MLC1: variants seen among roughly 807,000 people sequenced by gnomAD.
MLC1 encodes modulator of VRAC current 1.
In MLC1, 32 loss-of-function variants were observed where a neutral mutation model predicts 44.7. The ratio of observed to expected loss-of-function variants is 0.72; its 90% CI spans 0.54 to 0.96. The LOEUF is 0.96. MLC1 is among the 40% of genes least tolerant of loss of function. The pLI, the probability that MLC1 is intolerant of heterozygous loss-of-function variation, is 0.00. For missense variants in MLC1, 459 were observed against 492.2 expected, an observed-to-expected ratio of 0.93 and a Z score of 0.64; for synonymous variants, 190 against 213.0, an observed-to-expected ratio of 0.89 and a Z score of 0.94.
chr22:50,066,004 G>T (rs1330975383), intron 10 of MLC1, among the ~76,000 whole-genome samples: 1 of 152,174 alleles, frequency 6.6e-6, no homozygotes, highest in Non-Finnish European at 1.5e-5. Flanking sequence ...ATCCCCTTGG[G>T]TATCGAGAAA....
intron 8 of MLC1, among the ~76,000 whole-genome samples, chr22:50,072,577 T>TGCGGGATGGGAGGGGC (rs1367487518): frequency 2.6e-5 from 4 of 151,752 alleles, no homozygotes; most frequent in African/African-American, 9.7e-5. Flanking sequence ...GCAGGAGGGG[T>TGCGGGATGGGAGGGGC]CTGCGGGATG....
Position 50,083,052 on chromosome 22 carries a change from G to A in MLC1, c.267+32C>T. The A allele has an allele frequency of 6.2e-7, 1 of 1,602,120 alleles. No homozygotes were observed. The highest frequency in any genetic ancestry group is 1.1e-5 in the South Asian group (1 of 90,856). ...CCAGAGCACGTGCCGGCGAGCTTGG[G>A]CACTGGCAGAGGCGTGGAGGAAGCT... is the stretch of plus-strand genomic sequence containing the variant. On this transcript the variant is annotated intron_variant, in intron 3 of 11. Coordinates refer to ENST00000311597, the MANE Select transcript of MLC1 (RefSeq NM_015166.4). The surrounding 1 kb of genome is among the most constrained non-coding windows in gnomAD (Gnocchi z 4.6).
At chr22:50,078,611 C>T (rs1026763678) in intron 5 of MLC1, among the ~76,000 whole-genome samples, 22 of 151,770 alleles carry the variant, frequency 1.4e-4, no homozygotes, top group Non-Finnish European at 2.8e-4. Context: ...CGGTGGCGCA[C>T]GCCTGTAATC....
At chr22:50,084,394 G>A (rs562510142) in intron 2 of MLC1, among the ~76,000 whole-genome samples, 57 of 152,294 alleles carry the variant, frequency 3.7e-4, no homozygotes, top group African/African-American at 1.3e-3. Flanking sequence ...CACCTTTGCA[G>A]GTGACCCCTC....
In MLC1 at chr22:50,064,068, G is replaced by A. The variant is rs1186676458; in HGVS notation, c.1025C>T (p.Thr342Ile). 3 of 1,573,014 alleles carry A rather than the reference G, an allele frequency of 1.9e-6. No homozygotes were observed. The highest frequency in any genetic ancestry group is 4.6e-5 in the East Asian group (2 of 43,762). ...SARLQGASWD[T>I]QNGPQERLAG... ...CAGGCGCTCCTGCGGGCCGTTCTGG[G>A]TGTCCCAGGATGCACCCTGCAGCCT... The change falls in exon 11 of 12, where the codon ACC becomes ATC. Residue 342 changes from threonine (T) to isoleucine (I), a missense_variant. Physicochemically the swap from Thr to Ile is moderately conservative, Grantham distance 89. Coordinates refer to ENST00000311597, the MANE Select transcript of MLC1 (RefSeq NM_015166.4).
intron 2 of MLC1, among the ~76,000 whole-genome samples, chr22:50,084,254 C>T (rs1056700390): frequency 2.0e-5 from 3 of 152,126 alleles, no homozygotes; most frequent in Non-Finnish European, 4.4e-5. Flanking sequence ...TGGCGCTGCC[C>T]GTCCACCCCA....
At chr22:50,080,562 A>T (rs2062097457) in intron 3 of MLC1, among the ~76,000 whole-genome samples, 165 bp from the exon 4 acceptor site, 1 of 152,114 alleles carries the variant, frequency 6.6e-6, no homozygotes, top group Admixed American at 6.5e-5. Flanking sequence ...GCCCCCAGGT[A>T]CTTCTCAGTT....
intron 10 of MLC1, among the ~76,000 whole-genome samples, chr22:50,064,500 C>T (rs946765095): frequency 3.3e-5 from 5 of 152,208 alleles, no homozygotes; most frequent in African/African-American, 4.8e-5. Flanking sequence ...CTCCACCCCT[C>T]CTGCTCCAAC....
Position 50,059,821 on chromosome 22 carries a change from G to T in MLC1, c.*1762C>A, listed in dbSNP as rs2061528128. The T allele has an allele frequency of 6.6e-6, 1 of 152,352 alleles. No homozygotes were observed. The highest frequency in any genetic ancestry group is 1.5e-5 in the Non-Finnish European group (1 of 68,068). 9.4% of individuals were successfully genotyped at this position (152,352 alleles called of 1,614,324 possible). A position where few individuals can be genotyped will look rare whatever the true frequency, so the allele number is the denominator to read the frequency against. On this transcript the variant is annotated 3_prime_UTR_variant, in exon 12 of 12. Coordinates refer to ENST00000311597, the MANE Select transcript of MLC1 (RefSeq NM_015166.4). The stretch of plus-strand genomic sequence containing the variant: ...CCTTCCGGAGCTGCCGAGGACTGCA[G>T]AGAGGGCCTGGCTTGTCCCCTCTAG...
In MLC1 at chr22:50,084,731, T is replaced by A. The variant is rs1315970092; in HGVS notation, c.172A>T (p.Met58Leu). ...SHKTWVFSVL[M>L]GSCLLVTSGF... ...CTTAGTGTGGAGCTACTCACCCCCA[T>A]CAGCACAGAGAAGACCCACGTCTTG... is the stretch of plus-strand genomic sequence containing the variant. Residue 58 changes from methionine to leucine, a missense_variant, in exon 2 of 12, where the codon ATG becomes TTG. Coordinates refer to ENST00000311597, the MANE Select transcript of MLC1 (RefSeq NM_015166.4). 3 of 1,613,882 alleles carry A rather than the reference T, an allele frequency of 1.9e-6. No homozygotes were observed. The highest frequency in any genetic ancestry group is 2.7e-5 in the African/African-American group (2 of 74,922).
intron 8 of MLC1, 104 bp from the exon 9 acceptor site, chr22:50,070,687 C>G: frequency 7.9e-7 from 1 of 1,263,052 alleles, no homozygotes; most frequent in Non-Finnish European, 1.1e-6. Context: ...GGCTGCCTGG[C>G]TGGCTTGCTG....
chr22:50,077,402 T>C lies in MLC1; in HGVS notation c.524A>G (p.Lys175Arg), dbSNP rs772882799. The C allele has an allele frequency of 3.1e-5, 50 of 1,613,732 alleles. No individual in the cohort carries two copies. The highest frequency in any genetic ancestry group is 4.1e-5 in the Non-Finnish European group (48 of 1,179,844). ...TGCGGGGTCAGAAGCTGCACCCACCTTCTTTTTCTTGCAGTCCTCCTCGCT... is the reference window on the plus strand; with the variant it reads ...TGCGGGGTCAGAAGCTGCACCCACCCTCTTTTTCTTGCAGTCCTCCTCGCT... ...RSSEEDCKKK[K>R]GSMSDSANIL... Residue 175 changes from lysine to arginine, a missense_variant and splice_region_variant, in exon 6 of 12, where the codon AAG (lysine) becomes AGG (arginine). Physicochemically the swap from Lys to Arg is conservative, Grantham distance 26. Coordinates refer to ENST00000311597, the MANE Select transcript of MLC1 (RefSeq NM_015166.4).
chr22:50,079,741 GACTTCAAT>G (rs1353610688), intron 5 of MLC1, among the ~76,000 whole-genome samples, 169 bp downstream of exon 5: 1 of 152,038 alleles, frequency 6.6e-6, no homozygotes, highest in Non-Finnish European at 1.5e-5. Flanking sequence ...AGAATCACGA[GACTTCAAT>G]AAAGACAATT....
At chr22:50,064,924 G>A (rs2061671639) in intron 10 of MLC1, among the ~76,000 whole-genome samples, 1 of 151,788 alleles carries the variant, frequency 6.6e-6, no homozygotes, top group Middle Eastern at 3.4e-3. Flanking sequence ...CTCTTCTCAA[G>A]TTAACATAAA....
At chr22:50,068,730 T>TTC (rs2061777996) in intron 9 of MLC1, among the ~76,000 whole-genome samples, 175 bp from the exon 10 acceptor site, 1 of 92,202 alleles carries the variant, frequency 1.1e-5, no homozygotes, top group African/African-American at 3.2e-5. Flanking sequence ...TTTTTCTTTT[T>TTC]TTTTTTTTTT....
At position 50,075,578 on chromosome 22, in the gene MLC1, C is replaced by T. The variant is rs537596469; in HGVS notation, c.598-1246G>A. Among the ~76,000 whole-genome samples the T allele has an allele frequency of 1.5e-4, 23 of 152,072 alleles. 2 individuals carry two copies. In the South Asian group the frequency reaches 4.4e-3, roughly 29 times the overall value. ...AACAAAAATTAGCTGGGCGTGGTGGCGGGCACCTGTAATCCCAGCTACTCG... is the reference window on the plus strand; with the variant it reads ...AACAAAAATTAGCTGGGCGTGGTGGTGGGCACCTGTAATCCCAGCTACTCG... On this transcript the variant is annotated intron_variant, in intron 7 of 11. Coordinates refer to ENST00000311597, the MANE Select transcript of MLC1 (RefSeq NM_015166.4).
At chr22:50,065,066 A>G (rs1399811792) in intron 10 of MLC1, among the ~76,000 whole-genome samples, 2 of 152,148 alleles carry the variant, frequency 1.3e-5, no homozygotes, top group Admixed American at 1.3e-4. Context: ...CTGGGATTAC[A>G]GGTACCCGCC....
intron 9 of MLC1, 135 bp downstream of exon 9, chr22:50,070,392 T>C: frequency 2.3e-6 from 2 of 885,106 alleles, no homozygotes; most frequent in South Asian, 2.8e-5. Flanking sequence ...ACCTTCCTCA[T>C]TGTGCAGGCC....
chr22:50,068,560 A>T lies in MLC1; in HGVS notation c.772-5T>A. The T allele has an allele frequency of 6.2e-7, 1 of 1,611,702 alleles. No individual in the cohort carries two copies. The highest frequency in any genetic ancestry group is 8.5e-7 in the Non-Finnish European group (1 of 1,178,650). ...TATGGCAATCAGGACCTCCACCTGG[A>T]AAAAAAGCGCGGGTTGCAGGACCAC... On this transcript the variant is annotated splice_region_variant and splice_polypyrimidine_tract_variant and intron_variant, in intron 9 of 11. Transcript: ENST00000311597.
Sources: gnomAD v4.1 joint callset for allele counts (sites outside exome capture counted in the v4.1 genomes callset) on GRCh38, gnomAD v4.1.1 for gene constraint, Gnocchi (gnomAD v3.1) non-coding constraint, MANE v1.5 for transcripts, NCBI Gene and HGNC (gene_info 2026-07-23, HGNC 2026-07-21) for gene names.